ACSS2: variants seen among roughly 807,000 people sequenced by gnomAD.
ACSS2 encodes acetyl-coenzyme A synthetase, cytoplasmic.
In ACSS2, 58 loss-of-function variants were observed where a neutral mutation model predicts 90.6. The ratio of observed to expected loss-of-function variants is 0.64; its 90% CI spans 0.52 to 0.80. ACSS2 has a LOEUF of 0.80. Among genes scored for constraint, ACSS2 ranks in the 30% least tolerant of loss-of-function variants. The pLI, the probability that ACSS2 is intolerant of heterozygous loss-of-function variation, is 0.00. For synonymous variants in ACSS2, 300 were observed against 330.9 expected (o/e 0.91, Z 1.01); for missense variants, 759 against 912.0 (o/e 0.83, Z 2.16).
intron 2 of ACSS2, among the ~76,000 whole-genome samples, chr20:34,896,352 A>G (rs927040927): frequency 6.6e-6 from 1 of 152,182 alleles, no homozygotes; most frequent in Non-Finnish European, 1.5e-5. Flanking sequence ...GACTGAGCCC[A>G]CTGTAGGATC....
intron 1 of ACSS2, among the ~76,000 whole-genome samples, chr20:34,879,038 G>A (rs2146958398): frequency 1.3e-5 from 2 of 151,294 alleles, no homozygotes; most frequent in South Asian, 4.2e-4. Context: ...CCGAGTAGCT[G>A]GGACTACAGG....
intron 14 of ACSS2, among the ~76,000 whole-genome samples, 190 bp from the exon 15 acceptor site, chr20:34,925,508 A>ATT (rs2081297279): frequency 6.6e-6 from 1 of 152,116 alleles, no homozygotes; most frequent in South Asian, 2.1e-4. Flanking sequence ...GAGAAAGAGG[A>ATT]CTGCAGGGCT....
In ACSS2 at chr20:34,913,877, G is replaced by C. The variant is rs772546778; in HGVS notation, c.643+52G>C. On this transcript the variant is annotated intron_variant, in intron 5 of 17. Coordinates refer to ENST00000360596, the MANE Select transcript of ACSS2 (RefSeq NM_018677.4). ...AGAACCCCCCATACCTCAAGCCTTG[G>C]TCTCCAATCAGCTCATTGGTATTTG... 7 of 1,569,084 alleles carry C rather than the reference G, an allele frequency of 4.5e-6. No individual in the cohort carries two copies. The South Asian group carries it at 7.8e-5, about 17-fold the overall frequency.
At chr20:34,909,565 G>GA (rs1601344845) in intron 2 of ACSS2, among the ~76,000 whole-genome samples, 1 of 152,010 alleles carries the variant, frequency 6.6e-6, no homozygotes, top group African/African-American at 2.4e-5. Flanking sequence ...CATTTGTGTA[G>GA]AAAAAATGAG....
chr20:34,926,262 C>T lies in ACSS2; in HGVS notation c.1884C>T (p.Thr628=), dbSNP rs58735881. 8.4e-4 allele frequency: 1,354 copies of T among 1,614,120 alleles called. 2 individuals carry two copies. Among genetic ancestry groups the T allele is most frequent in the Non-Finnish European group, 1.1e-3 (1,263 of 1,179,986 alleles). ...GCCACACCTTCAGCCCCAAGCTCAC[C>T]GAGGAGCTCAAGAAGCAGAGTAAGG... ...CDGHTFSPKL[T]EELKKQIREK... The change falls in exon 16 of 18, where the codon ACC becomes ACT. Residue 628 remains threonine, a synonymous_variant. Coordinates refer to ENST00000360596, the MANE Select transcript of ACSS2 (RefSeq NM_018677.4).
At chr20:34,919,600 T>C in intron 8 of ACSS2, 28 bp downstream of exon 8, 1 of 1,571,306 alleles carries the variant, frequency 6.4e-7, no homozygotes, top group East Asian at 2.3e-5. Flanking sequence ...TGTGTGTGTG[T>C]GTGTGTGTGT....
intron 2 of ACSS2, among the ~76,000 whole-genome samples, chr20:34,904,235 A>AT (rs879944965): frequency 1.7e-3 from 249 of 145,474 alleles, no homozygotes; most frequent in Middle Eastern, 0.014. Flanking sequence ...CGCAGGGAGT[A>AT]TTTTTTTTTT....
intron 2 of ACSS2, among the ~76,000 whole-genome samples, chr20:34,896,933 G>A (rs942613078): frequency 6.6e-6 from 1 of 151,962 alleles, no homozygotes; most frequent in Non-Finnish European, 1.5e-5. Flanking sequence ...GGGAGGCTGA[G>A]ACATAAGAAT....
intron 2 of ACSS2, among the ~76,000 whole-genome samples, chr20:34,908,444 G>T (rs996842132): frequency 6.6e-6 from 1 of 152,128 alleles, no homozygotes; most frequent in Non-Finnish European, 1.5e-5. Context: ...CTCTTCCCAA[G>T]AATTAGTATG....
intron 14 of ACSS2, 138 bp downstream of exon 14, chr20:34,923,569 G>T: frequency 1.4e-6 from 1 of 691,544 alleles, no homozygotes; most frequent in Admixed American, 2.3e-5. Flanking sequence ...GTTTATTTTG[G>T]ATCATCATTC....
At chr20:34,899,922 T>A (rs546502967) in intron 2 of ACSS2, among the ~76,000 whole-genome samples, 1 of 152,140 alleles carries the variant, frequency 6.6e-6, no homozygotes, top group East Asian at 1.9e-4. Flanking sequence ...CTCTTGGGTA[T>A]ATAGCTAGGA....
chr20:34,909,634 A>G (rs182444522), intron 2 of ACSS2, among the ~76,000 whole-genome samples: 32 of 152,220 alleles, frequency 2.1e-4, no homozygotes, highest in African/African-American at 7.0e-4. Flanking sequence ...TCCCTTAAGT[A>G]GAGCAGTTCT....
At position 34,921,332 on chromosome 20, in the gene ACSS2, A is replaced by G. The variant is rs1600355528; in HGVS notation, c.1280A>G (p.His427Arg). 1 of 1,614,162 alleles carries G rather than the reference A, an allele frequency of 6.2e-7. No individual in the cohort carries two copies. The highest frequency in any genetic ancestry group is 8.5e-7 in the Non-Finnish European group (1 of 1,180,020). ...MKFGDEPVTK[H>R]SRASLQVLGT... ...TCTCTCCCATTCCCCTGCCCCAGGC[A>G]TAGCCGGGCATCCTTGCAGGTGTTA... is the stretch of plus-strand genomic sequence containing the variant. The change falls in exon 11 of 18, where the codon CAT becomes CGT. Residue 427 changes from histidine (H) to arginine (R), a missense_variant and splice_region_variant. By Grantham distance (29) the His-to-Arg change is conservative. Coordinates refer to ENST00000360596, the MANE Select transcript of ACSS2 (RefSeq NM_018677.4).
intron 1 of ACSS2, 137 bp downstream of exon 1, chr20:34,876,960 T>A (rs2079929971): frequency 1.8e-6 from 1 of 547,268 alleles, no homozygotes; most frequent in Non-Finnish European, 2.8e-6. Context: ...ATTGCGGTTC[T>A]TTGAAAATGG....
At chr20:34,877,496 AT>A (rs2079945279) in intron 1 of ACSS2, among the ~76,000 whole-genome samples, 2 of 152,124 alleles carry the variant, frequency 1.3e-5, no homozygotes, top group Admixed American at 1.3e-4. Context: ...AGAAGTTCTG[AT>A]AGATGGTTCC....
chr20:34,913,978 T>C, intron 5 of ACSS2, 118 bp from the exon 6 acceptor site: 1 of 1,394,424 alleles, frequency 7.2e-7, no homozygotes. Context: ...CTCTGTCAGC[T>C]CGAATCAGCT....
At chr20:34,895,703 C>T (rs1278861563) in intron 2 of ACSS2, among the ~76,000 whole-genome samples, 8 of 152,070 alleles carry the variant, frequency 5.3e-5, no homozygotes, top group Admixed American at 2.0e-4. Context: ...TCTTGTTTAA[C>T]GTGGGAGAAG....
intron 1 of ACSS2, among the ~76,000 whole-genome samples, chr20:34,879,145 C>G (rs1246358238): frequency 6.6e-6 from 1 of 151,974 alleles, no homozygotes; most frequent in Admixed American, 6.6e-5. Context: ...ACCTCGTGAT[C>G]CGCCCGCCTC....
At chr20:34,890,688 G>A (rs2080313000) in intron 2 of ACSS2, among the ~76,000 whole-genome samples, 1 of 152,094 alleles carries the variant, frequency 6.6e-6, no homozygotes, top group African/African-American at 2.4e-5. Context: ...GCTTTGGGTT[G>A]CCTAAGGCTG....
Sources: allele counts gnomAD v4.1 joint callset (sites outside exome capture counted in the v4.1 genomes callset), GRCh38; gene constraint gnomAD v4.1.1; transcripts MANE v1.5; gene names NCBI Gene and HGNC (gene_info 2026-07-23, HGNC 2026-07-21).